The following IFNG-AS1 variants were observed in gnomAD, a reference collection of about 807,000 sequenced individuals.
IFNG-AS1 encodes IFNG regulatory antisense RNA 1, also known as IFNG antisense RNA 1 (non-protein coding).
intron 4 of IFNG-AS1, chr12:68,020,200 C>T (rs964493065): frequency 6.6e-6 from 1 of 152,112 alleles, no homozygotes; most frequent in Non-Finnish European, 1.5e-5. Flanking sequence ...TGTCTTGAAT[C>T]ATGACATATG....
At chr12:67,997,462 C>A (rs900039975) in intron 2 of IFNG-AS1, among the ~76,000 whole-genome samples, 4 of 151,780 alleles carry the variant, frequency 2.6e-5, no homozygotes, top group Admixed American at 2.0e-4. Context: ...AAGTTTAGAT[C>A]CATATCTCAC....
At position 68,011,852 on chromosome 12, in the gene IFNG-AS1, TAATAGGGAAAGATTAGAGAGA is replaced by T. The variant is rs549643106; in HGVS notation, n.241+5708_241+5728del. On this transcript the variant is annotated intron_variant and non_coding_transcript_variant, in intron 3 of 5. Coordinates refer to ENST00000536914, the Ensembl canonical transcript of IFNG-AS1. ...CAGCCTACAAGGCAAGAGGCACTTC[TAATAGGGAAAGATTAGAGAGA>T]ATAGAGAAGCTTCTCCAGCAGATTC... Among the ~76,000 whole-genome samples the T allele has an allele frequency of 1.1e-4, 16 of 152,314 alleles. No individual in the cohort carries two copies. The East Asian group carries it at 3.1e-3, about 29-fold the overall frequency.
chr12:67,997,132 G>A (rs1313094211), intron 2 of IFNG-AS1, among the ~76,000 whole-genome samples: 1 of 151,986 alleles, frequency 6.6e-6, no homozygotes, highest in Admixed American at 6.6e-5. Context: ...AAGGAAATGT[G>A]CAAAAACTGT....
At chr12:67,993,116 A>G (rs1879553835) in intron 1 of IFNG-AS1, among the ~76,000 whole-genome samples, 1 of 152,194 alleles carries the variant, frequency 6.6e-6, no homozygotes, top group Admixed American at 6.5e-5. Flanking sequence ...ACTTTGATAA[A>G]TCTCTGATAA....
chr12:68,020,509 G>A (rs140244444), intron 4 of IFNG-AS1: 1 of 152,290 alleles, frequency 6.6e-6, no homozygotes, highest in Non-Finnish European at 1.5e-5. Flanking sequence ...TGGACTAAAA[G>A]TGGAAATAAA....
intron 2 of IFNG-AS1, among the ~76,000 whole-genome samples, chr12:67,999,286 G>A (rs766496821): frequency 1.5e-4 from 23 of 152,046 alleles, no homozygotes; most frequent in South Asian, 4.2e-4. Flanking sequence ...TGATGAGAGG[G>A]CCTAAAAGTA....
intron 3 of IFNG-AS1, among the ~76,000 whole-genome samples, chr12:68,014,540 A>G (rs781028921): frequency 2.0e-5 from 3 of 152,190 alleles, no homozygotes; most frequent in Non-Finnish European, 4.4e-5. Context: ...TTCCCTGATC[A>G]TTAGTGATGT....
At position 68,003,800 on chromosome 12, in the gene IFNG-AS1, G is replaced by A. The variant is rs1417487714; in HGVS notation, n.185-2290G>A. ...CGGGTGTCTGTAGTCCTAGCTACCC[G>A]GGAGGCTGAGGCAGGAGAATGACGT... On this transcript the variant is annotated intron_variant and non_coding_transcript_variant, in intron 2 of 5. Coordinates refer to ENST00000536914, the Ensembl canonical transcript of IFNG-AS1. Among the ~76,000 whole-genome samples the A allele has an allele frequency of 9.2e-5, 14 of 151,760 alleles. 1 individual carries two copies. Among genetic ancestry groups the A allele is most frequent in the African/African-American group, 2.7e-4 (11 of 41,284 alleles).
chr12:68,020,378 G>A (rs1880258564), intron 4 of IFNG-AS1: 1 of 152,172 alleles, frequency 6.6e-6, no homozygotes, highest in East Asian at 1.9e-4. Flanking sequence ...ACAGGTATCA[G>A]TTTGACATCG....
chr12:68,019,008 G>C (rs1361151148), intron 3 of IFNG-AS1, among the ~76,000 whole-genome samples: 1 of 152,054 alleles, frequency 6.6e-6, no homozygotes, highest in African/African-American at 2.4e-5. Flanking sequence ...CCTCCATAAA[G>C]TGTGCAGGAG....
At chr12:67,995,422 A>G (rs1310920136) in intron 1 of IFNG-AS1, among the ~76,000 whole-genome samples, 1 of 146,618 alleles carries the variant, frequency 6.8e-6, no homozygotes, top group East Asian at 2.0e-4. Flanking sequence ...TCCATTTCAA[A>G]AAAAAAAAAA....
At chr12:68,002,862 ATCAGTGAGCCACATGCTG>A (rs1250800865) in intron 2 of IFNG-AS1, among the ~76,000 whole-genome samples, 1 of 152,248 alleles carries the variant, frequency 6.6e-6, no homozygotes, top group African/African-American at 2.4e-5. Flanking sequence ...AGCAGAAAGT[ATCAGTGAGCCACATGCTG>A]TCATGTGCTG....
At chr12:68,018,578 G>A (rs1253296307) in intron 3 of IFNG-AS1, among the ~76,000 whole-genome samples, 1 of 152,002 alleles carries the variant, frequency 6.6e-6, no homozygotes, top group African/African-American at 2.4e-5. Context: ...GCAATGTGGG[G>A]CCCATGCCTT....
chr12:67,992,893 T>A (rs1879549297), intron 1 of IFNG-AS1, among the ~76,000 whole-genome samples: 1 of 152,250 alleles, frequency 6.6e-6, no homozygotes, highest in Non-Finnish European at 1.5e-5. Context: ...TGATTTCGTA[T>A]CCCATTTTCT....
At chr12:68,004,203 T>G (rs1186763145) in intron 2 of IFNG-AS1, among the ~76,000 whole-genome samples, 1 of 152,208 alleles carries the variant, frequency 6.6e-6, no homozygotes, top group East Asian at 1.9e-4. Context: ...CTCATAAACA[T>G]CTACCTCACT....
At chr12:67,990,886 CATAA>C in intron 1 of IFNG-AS1, among the ~76,000 whole-genome samples, 1 of 151,376 alleles carries the variant, frequency 6.6e-6, no homozygotes, top group African/African-American at 2.4e-5. Flanking sequence ...GCCACCGCTA[CATAA>C]ATAATTTTTT....
intron 3 of IFNG-AS1, among the ~76,000 whole-genome samples, chr12:68,010,486 C>G (rs1417555217): frequency 1.3e-5 from 2 of 152,188 alleles, no homozygotes; most frequent in African/African-American, 2.4e-5. Flanking sequence ...ACCTTACTTC[C>G]CCTACCCCTT....
chr12:68,001,236 G>A (rs1235072779), intron 2 of IFNG-AS1, among the ~76,000 whole-genome samples: 2 of 151,942 alleles, frequency 1.3e-5, no homozygotes, highest in Admixed American at 1.3e-4. Flanking sequence ...ACTTGTTACT[G>A]AACCAACCTA....
chr12:67,992,262 G>T (rs1021268581), intron 1 of IFNG-AS1, among the ~76,000 whole-genome samples: 3 of 152,108 alleles, frequency 2.0e-5, no homozygotes, highest in Non-Finnish European at 4.4e-5. Flanking sequence ...AAATTGTTGA[G>T]GTTTATCCAT....
Sources: allele counts gnomAD v4.1 joint callset (sites outside exome capture counted in the v4.1 genomes callset), GRCh38; gene constraint gnomAD v4.1.1; transcripts MANE v1.5; gene names NCBI Gene and HGNC (gene_info 2026-07-23, HGNC 2026-07-21).